INTS3: variants seen among roughly 807,000 people sequenced by gnomAD.
INTS3 encodes the protein integrator complex subunit 3.
In INTS3, 34 loss-of-function variants were observed where a neutral mutation model predicts 146.3. That is an observed-to-expected ratio of 0.23 (90% CI 0.18 to 0.31). The LOEUF is 0.31. Among genes scored for constraint, INTS3 ranks in the 10% least tolerant of loss-of-function variants. INTS3 has a pLI of 1.00. For missense variants in INTS3, 757 were observed against 1,304.2 expected (o/e 0.58, Z 6.46); for synonymous variants, 475 against 494.9 (o/e 0.96, Z 0.53).
In INTS3 at chr1:153,752,293, G is replaced by C; in HGVS notation, c.744G>C (p.Leu248=). 1 of 1,613,532 alleles carries C rather than the reference G, an allele frequency of 6.2e-7. No homozygotes were observed. The highest frequency in any genetic ancestry group is 8.5e-7 in the Non-Finnish European group (1 of 1,179,606). Residue 248 remains leucine (L), a synonymous_variant, in exon 8 of 30, where the codon CTG becomes CTC. Coordinates refer to ENST00000318967, the MANE Select transcript of INTS3 (RefSeq NM_023015.5). ...TCCCTATCAAGTTCATGGAATGTCTGATGATTGGTCGGGATCTCGTAAGAC... is the reference window on the plus strand; with the variant it reads ...TCCCTATCAAGTTCATGGAATGTCTCATGATTGGTCGGGATCTCGTAAGAC... ...SLLRERFMEC[L]MIGRDLVRLL...
intron 29 of INTS3, 34 bp from the exon 30 acceptor site, chr1:153,773,159 G>A: frequency 6.2e-7 from 1 of 1,613,752 alleles, no homozygotes; most frequent in Non-Finnish European, 8.5e-7. Flanking sequence ...TGCCCAGGCT[G>A]TTAACTTCCC....
At position 153,746,602 on chromosome 1, in the gene INTS3, C is replaced by T. The variant is rs537655370; in HGVS notation, c.319-355C>T. Among the ~76,000 whole-genome samples the T allele has an allele frequency of 1.5e-4, 23 of 152,238 alleles. 1 individual carries two copies. In the South Asian group the frequency reaches 4.1e-3, roughly 27 times the overall value. ...ATTTTTAGTAGAGACGGGGTTTCAC[C>T]GTGTTAGCCAGGATGGTCTCGATCT... On this transcript the variant is annotated intron_variant, in intron 3 of 29. Transcript: ENST00000318967.
Position 153,773,336 on chromosome 1 carries a change from A to T in INTS3, c.*66A>T. On this transcript the variant is annotated 3_prime_UTR_variant, in exon 30 of 30. Transcript: ENST00000318967. ...CTCCTTCTTGGTGATTCAAAGGTTA[A>T]TAGAGGCTGAGGAGATTGCAGGGGA... The T allele has an allele frequency of 7.0e-7, 1 of 1,432,668 alleles. No individual in the cohort carries two copies. Among genetic ancestry groups the T allele is most frequent in the Non-Finnish European group, 9.9e-7 (1 of 1,014,666 alleles). 88.7% of individuals were successfully genotyped at this position (1,432,668 alleles called of 1,614,324 possible).
intron 1 of INTS3, among the ~76,000 whole-genome samples, chr1:153,734,267 AT>A (rs1671202583): frequency 6.6e-6 from 1 of 152,184 alleles, no homozygotes; most frequent in Non-Finnish European, 1.5e-5. Context: ...AAGCGTTGCT[AT>A]TACTTGATTG....
chr1:153,764,677 C>G lies in INTS3; in HGVS notation c.1926-13C>G, dbSNP rs372992309. ...CCTCACATGGATTCTCAAATATAAC[C>G]CTCTTCTTGTAGGTCCCTGGAGGAG... On this transcript the variant is annotated splice_polypyrimidine_tract_variant and intron_variant, in intron 18 of 29. Coordinates refer to ENST00000318967, the MANE Select transcript of INTS3 (RefSeq NM_023015.5). 1.3e-6 allele frequency: 2 copies of G among 1,599,042 alleles called. No homozygotes were observed. The highest frequency in any genetic ancestry group is 1.1e-5 in the South Asian group (1 of 90,758).
chr1:153,733,708 G>A (rs1043424002), intron 1 of INTS3, among the ~76,000 whole-genome samples: 30 of 151,778 alleles, frequency 2.0e-4, no homozygotes, highest in South Asian at 8.3e-4. Context: ...GGGTTCAAGC[G>A]ATTCTCCTGC....
rs1407843812 is a variant in INTS3 at position 153,728,409 on chromosome 1, C to T, written c.-226C>T. 1.9e-6 allele frequency: 1 copy of T among 519,252 alleles called. No individual in the cohort carries two copies. The highest frequency in any genetic ancestry group is 3.4e-6 in the Non-Finnish European group (1 of 297,894). The allele number at this position is 519,252 out of a possible 1,614,324, so 32.2% of individuals were successfully genotyped here. A position where few individuals can be genotyped will look rare whatever the true frequency, so the allele number is the denominator to read the frequency against. ...TGTACTTCGGAGCCAACGCCTTTCC[C>T]TCAGCACTGCCACCCCAGAGTCAGG... On this transcript the variant is annotated 5_prime_UTR_variant, in exon 1 of 30. Transcript: ENST00000318967.
chr1:153,733,338 A>C (rs920041071), intron 1 of INTS3, among the ~76,000 whole-genome samples: 2 of 138,134 alleles, frequency 1.4e-5, no homozygotes, highest in African/African-American at 5.5e-5. Flanking sequence ...TCAGCCTCCC[A>C]AGTAGCTGGG....
chr1:153,742,853 G>A (rs1004159781), intron 3 of INTS3, among the ~76,000 whole-genome samples: 1 of 152,252 alleles, frequency 6.6e-6, no homozygotes, highest in Admixed American at 6.5e-5. Flanking sequence ...CTGGGGAAGT[G>A]AAGCATTTGC....
At chr1:153,761,706 G>A (rs377119047) in intron 14 of INTS3, 30 bp downstream of exon 14, 1 of 1,504,716 alleles carries the variant, frequency 6.6e-7, no homozygotes, top group Non-Finnish European at 9.2e-7. Flanking sequence ...CATCACCTGT[G>A]TCAAAAGAGG....
rs1672486158 is a variant in INTS3 at position 153,764,057 on chromosome 1, CGTG to C, written c.1822-59_1822-57del. On this transcript the variant is annotated intron_variant, in intron 17 of 29. Transcript: ENST00000318967. The stretch of plus-strand genomic sequence containing the variant: ...AGCAGATGAGTTCCAAGACTGGGAT[CGTG>C]GGGGCAGGAGGGCTTGGGTGTAGGT... 4.2e-6 allele frequency: 6 copies of C among 1,415,332 alleles called. No individual in the cohort carries two copies. The Admixed American group carries it at 6.7e-5, about 16-fold the overall frequency. The allele number at this position is 1,415,332 out of a possible 1,614,324, so 87.7% of individuals were successfully genotyped here.
chr1:153,732,929 G>C (rs1216516835), intron 1 of INTS3, among the ~76,000 whole-genome samples: 2 of 149,378 alleles, frequency 1.3e-5, no homozygotes, highest in Non-Finnish European at 3.0e-5. Context: ...TCAGCCTCCT[G>C]AGTAGCTAGG....
intron 3 of INTS3, among the ~76,000 whole-genome samples, chr1:153,744,038 CGTGTGTGTGTGTGTGTGT>C (rs200825280): frequency 0.026 from 3,685 of 142,338 alleles, 70 homozygotes; most frequent in Non-Finnish European, 0.043. Context: ...TGTGCATGTG[CGTGTGTGTGTGTGTGTGT>C]GTGTGTGTGT....
chr1:153,764,670 A>C lies in INTS3; in HGVS notation c.1926-20A>C. ...CAGCCCCCCTCACATGGATTCTCAA[A>C]TATAACCCTCTTCTTGTAGGTCCCT... On this transcript the variant is annotated intron_variant, in intron 18 of 29. Coordinates refer to ENST00000318967, the MANE Select transcript of INTS3 (RefSeq NM_023015.5). 1 of 1,593,026 alleles carries C rather than the reference A, an allele frequency of 6.3e-7. No individual in the cohort carries two copies. Among genetic ancestry groups the C allele is most frequent in the Non-Finnish European group, 8.6e-7 (1 of 1,160,858 alleles).
chr1:153,753,571 AAAG>A (rs1373832522), intron 8 of INTS3: 2 of 151,874 alleles, frequency 1.3e-5, no homozygotes, highest in African/African-American at 4.8e-5. Flanking sequence ...AAAGAAAAGA[AAAG>A]AAAAGAAACT....
chr1:153,773,125 G>A (rs1672977667), intron 29 of INTS3, 44 bp downstream of exon 29: 1 of 1,613,810 alleles, frequency 6.2e-7, no homozygotes, highest in South Asian at 1.1e-5. Flanking sequence ...AGCACTGGGT[G>A]CAGGTGGAGT....
In INTS3 at chr1:153,728,142, C is replaced by T. The variant is rs1670917030; in HGVS notation, c.-493C>T. On this transcript the variant is annotated 5_prime_UTR_variant, in exon 1 of 30. Transcript: ENST00000318967. ...CGTCCTCCCATAGCGCTTATTGCCTCACCCTCACCCCCTAGGGGCCGGATC... is the reference window on the plus strand; with the variant it reads ...CGTCCTCCCATAGCGCTTATTGCCTTACCCTCACCCCCTAGGGGCCGGATC... The T allele has an allele frequency of 5.1e-6, 2 of 395,142 alleles. No homozygotes were observed. The highest frequency in any genetic ancestry group is 8.9e-5 in the Admixed American group (2 of 22,428). 24.5% of individuals were successfully genotyped at this position (395,142 alleles called of 1,614,324 possible).
At position 153,762,373 on chromosome 1, in the gene INTS3, C is replaced by G. The variant is rs143400347; in HGVS notation, c.1517-355C>G. On this transcript the variant is annotated intron_variant, in intron 14 of 29. Coordinates refer to ENST00000318967, the MANE Select transcript of INTS3 (RefSeq NM_023015.5). ...ACATGAGAATTACGTGAACCTGGGA[C>G]GGGGAGGTTGCAGTGAGCCGAGATG... Among the ~76,000 whole-genome samples the G allele has an allele frequency of 7.0e-3, 1,063 of 152,236 alleles. 11 individuals are homozygous for G. Among genetic ancestry groups the G allele is most frequent in the African/African-American group, 0.023 (957 of 41,538 alleles).
chr1:153,730,183 T>C (rs1671010855), intron 1 of INTS3, among the ~76,000 whole-genome samples: 1 of 152,222 alleles, frequency 6.6e-6, no homozygotes, highest in Non-Finnish European at 1.5e-5. Flanking sequence ...AGCAAATGTC[T>C]ACTTGCAGTC....
Sources: gnomAD v4.1 joint callset for allele counts (sites outside exome capture counted in the v4.1 genomes callset) on GRCh38, gnomAD v4.1.1 for gene constraint, MANE v1.5 for transcripts, NCBI Gene and HGNC (gene_info 2026-07-23, HGNC 2026-07-21) for gene names.